The following HHIPL1 variants were observed in gnomAD, a reference collection of about 807,000 sequenced individuals.
HHIPL1 encodes the protein HHIP-like protein 1.
In HHIPL1, 43 loss-of-function variants were observed where a neutral mutation model predicts 61.8. The observed-to-expected ratio is 0.70, with a 90% CI of 0.55 to 0.90. The LOEUF is 0.90. Ranked by LOEUF, HHIPL1 falls within the 40% of genes least tolerant of loss-of-function variation. The pLI, the probability that HHIPL1 is intolerant of heterozygous loss-of-function variation, is 0.00. For synonymous variants in HHIPL1, 482 were observed against 515.8 expected (o/e 0.93, Z 0.89); for missense variants, 1,056 against 1,157.7 (o/e 0.91, Z 1.28).
In HHIPL1 at chr14:99,679,681, G is replaced by A. The variant is rs1484398812; in HGVS notation, c.*4055G>A. 1 of 152,246 alleles carries A rather than the reference G, an allele frequency of 6.6e-6. No homozygotes were observed. The highest frequency in any genetic ancestry group is 1.5e-5 in the Non-Finnish European group (1 of 68,052). The allele number at this position is 152,246 out of a possible 1,614,324, so 9.4% of individuals were successfully genotyped here. The stretch of plus-strand genomic sequence containing the variant: ...AATAGAGGTCACCAGAAGGATTACT[G>A]GATGAAAAATGAGGTAGCATTGCAG... On this transcript the variant is annotated 3_prime_UTR_variant, in exon 9 of 9. Transcript: ENST00000330710.
chr14:99,649,462 C>T (rs35911833), intron 1 of HHIPL1, among the ~76,000 whole-genome samples: 27,364 of 152,126 alleles, frequency 0.18, 2,760 homozygotes, highest in East Asian at 0.31. Flanking sequence ...CTTCTTGGCA[C>T]GTGGCCTTCT....
chr14:99,660,346 A>G lies in HHIPL1; in HGVS notation c.1442A>G (p.Tyr481Cys). The change falls in exon 5 of 9, where the codon TAC becomes TGC. Residue 481 changes from tyrosine to cysteine, a missense_variant. By Grantham distance (194) the Tyr-to-Cys change is radical. Coordinates refer to ENST00000330710, the MANE Select transcript of HHIPL1 (RefSeq NM_001127258.3). This position sits in a 1 kb window ranked among gnomAD's most constrained non-coding sequence, Gnocchi z 4.9. ...AAGTCGGTCACAGGGGGCTACGTGT[A>G]CCGGGGCTGCGAGTACCCCAACCTG... ...VGKSVTGGYV[Y>C]RGCEYPNLNG... 6.2e-7 allele frequency: 1 copy of G among 1,614,102 alleles called. No individual in the cohort carries two copies. The highest frequency in any genetic ancestry group is 8.5e-7 in the Non-Finnish European group (1 of 1,180,010).
chr14:99,609,686 G>C, the HHIPL1 span, among the ~76,000 whole-genome samples: 2 of 152,224 alleles, frequency 1.3e-5, no homozygotes, highest in Admixed American at 6.5e-5. Flanking sequence ...GAGAGGGCTA[G>C]GGGAGGATGG....
the HHIPL1 span, among the ~76,000 whole-genome samples, chr14:99,634,709 G>A: frequency 6.6e-6 from 1 of 152,160 alleles, no homozygotes; most frequent in African/African-American, 2.4e-5. Flanking sequence ...GGGTCACGCA[G>A]TAAGTTAGAA....
intron 8 of HHIPL1, 144 bp downstream of exon 8, chr14:99,672,543 A>G: frequency 1.5e-6 from 1 of 665,934 alleles, no homozygotes. Flanking sequence ...TGCCTGGCAC[A>G]CATTAGACAT....
rs867913007 is a variant in HHIPL1, at chr14:99,652,636, C to T, written c.668C>T (p.Pro223Leu). 6.2e-7 allele frequency: 1 copy of T among 1,613,510 alleles called. No homozygotes were observed. The highest frequency in any genetic ancestry group is 8.5e-7 in the Non-Finnish European group (1 of 1,179,808). ...EQVGLVWAYL[P>L]DRSRLGKPFL... ...GTGGGGCTGGTGTGGGCCTACCTGC[C>T]CGACCGCTCGAGGCTGGGGAAGCCT... The change falls in exon 2 of 9, where the codon CCC becomes CTC. Residue 223 changes from proline to leucine, a missense_variant. By Grantham distance (98) the Pro-to-Leu change is moderately conservative (BLOSUM62 -3). Transcript: ENST00000330710.
chr14:99,648,089 C>T (rs2055870076), intron 1 of HHIPL1, among the ~76,000 whole-genome samples: 1 of 152,092 alleles, frequency 6.6e-6, no homozygotes, highest in Non-Finnish European at 1.5e-5. Flanking sequence ...GTGCTGGATG[C>T]TGGGCCCAAA....
At chr14:99,625,711 G>A in the HHIPL1 span, 5 of 152,156 alleles carry the variant, frequency 3.3e-5, no homozygotes, top group African/African-American at 9.7e-5. Context: ...GTGGAGATTC[G>A]TTGATATGAA....
the HHIPL1 span, among the ~76,000 whole-genome samples, chr14:99,614,034 A>G: frequency 6.6e-6 from 1 of 152,190 alleles, no homozygotes; most frequent in Non-Finnish European, 1.5e-5. Flanking sequence ...CCTGGATGTA[A>G]AATCTGTGTC....
chr14:99,623,097 G>A, the HHIPL1 span, among the ~76,000 whole-genome samples: 1 of 152,228 alleles, frequency 6.6e-6, no homozygotes, highest in Non-Finnish European at 1.5e-5. Flanking sequence ...TCCCATTCCT[G>A]CAGGCAGCAG....
chr14:99,605,558 C>T, the HHIPL1 span, among the ~76,000 whole-genome samples: 1 of 152,234 alleles, frequency 6.6e-6, no homozygotes, highest in Non-Finnish European at 1.5e-5. Flanking sequence ...GGGCCTGCTC[C>T]AGCCCCGGGG....
Position 99,668,200 on chromosome 14 carries a change from A to T in HHIPL1, c.1649-22A>T. 2 of 1,499,506 alleles carry T rather than the reference A, an allele frequency of 1.3e-6. No individual in the cohort carries two copies. Among genetic ancestry groups the T allele is most frequent in the Non-Finnish European group, 9.3e-7 (1 of 1,075,650 alleles). 92.9% of individuals were successfully genotyped at this position (1,499,506 alleles called of 1,614,324 possible). A position where few individuals can be genotyped will look rare whatever the true frequency, so the allele number is the denominator to read the frequency against. ...CGGTATTCCAGGTGGGGGTCTCACTAGTCACTTTGTTCTGTCCAAAGGGGA... is the reference window on the plus strand; with the variant it reads ...CGGTATTCCAGGTGGGGGTCTCACTTGTCACTTTGTTCTGTCCAAAGGGGA... On this transcript the variant is annotated intron_variant, in intron 6 of 8. Transcript: ENST00000330710. This position sits in a 1 kb window ranked among gnomAD's most constrained non-coding sequence, Gnocchi z 4.7.
chr14:99,660,293 G>T lies in HHIPL1; in HGVS notation c.1389G>T (p.Pro463=). ...CCCACCCCGCAGATGACTTGCTGCC[G>T]ATTTTCGCCTACCCGCACACGGTTG... The part of the protein sequence containing the change: ...CANTSLNDLL[P]IFAYPHTVGK... The change falls in exon 5 of 9, where the codon CCG becomes CCT. Residue 463 remains proline (P), a synonymous_variant. Transcript: ENST00000330710. This position sits in a 1 kb window ranked among gnomAD's most constrained non-coding sequence, Gnocchi z 4.9. The T allele has an allele frequency of 6.2e-7, 1 of 1,614,020 alleles. No individual in the cohort carries two copies. The highest frequency in any genetic ancestry group is 8.5e-7 in the Non-Finnish European group (1 of 1,179,986).
At chr14:99,661,451 A>AAGGAAGGAAGGAAGGAAGGAAG (rs1595162004) in intron 5 of HHIPL1, among the ~76,000 whole-genome samples, 2 of 151,676 alleles carry the variant, frequency 1.3e-5, no homozygotes, top group Admixed American at 1.3e-4. Flanking sequence ...GGAAGGAAGG[A>AAGGAAGGAAGGAAGGAAGGAAG]GTACATGCTT....
At chr14:99,659,801 AC>A in intron 4 of HHIPL1, 45 bp downstream of exon 4, 1 of 765,586 alleles carries the variant, frequency 1.3e-6, no homozygotes, top group South Asian at 4.4e-5. Flanking sequence ...ATCCGCCCCC[AC>A]CCCACCCCAC....
intron 1 of HHIPL1, among the ~76,000 whole-genome samples, chr14:99,649,451 A>G (rs1407703262): frequency 2.0e-5 from 3 of 152,168 alleles, no homozygotes; most frequent in Non-Finnish European, 4.4e-5. Flanking sequence ...TGGTTTGGCT[A>G]CTTCTTGGCA....
chr14:99,605,322 TTATCCTCCGGTCCCCA>T, the HHIPL1 span, among the ~76,000 whole-genome samples: 1 of 142,494 alleles, frequency 7.0e-6, no homozygotes. Context: ...GTCTGTCTCG[TTATCCTCCGGTCCCCA>T]AAGCGCATTT....
the HHIPL1 span, among the ~76,000 whole-genome samples, chr14:99,639,459 C>T: frequency 8.9e-4 from 135 of 152,220 alleles, no homozygotes; most frequent in Admixed American, 3.1e-3. Flanking sequence ...ATCCTCCCAC[C>T]TCAGCCTCGA....
the HHIPL1 span, chr14:99,604,610 A>C: frequency 1.3e-5 from 2 of 152,006 alleles, no homozygotes; most frequent in African/African-American, 4.8e-5. Context: ...CGCTTTTAAA[A>C]TGCAGGTACG....
Sources: allele counts gnomAD v4.1 joint callset (sites outside exome capture counted in the v4.1 genomes callset), GRCh38; gene constraint gnomAD v4.1.1; non-coding constraint Gnocchi (gnomAD v3.1); transcripts MANE v1.5; gene names NCBI Gene and HGNC (gene_info 2026-07-23, HGNC 2026-07-21).